The following NCKAP5 variants were observed in gnomAD, a reference collection of about 807,000 sequenced individuals.
NCKAP5 encodes the protein nck-associated protein 5.
NCKAP5 carries 92 observed loss-of-function variants against 167.0 expected under a neutral mutation model. The ratio of observed to expected loss-of-function variants is 0.55; its 90% CI spans 0.47 to 0.66. NCKAP5 has a LOEUF of 0.66. Among genes scored for constraint, NCKAP5 ranks in the 30% least tolerant of loss-of-function variants. The probability of loss-of-function intolerance (pLI) is 0.00; values close to 1 mark genes in which losing one functional copy is unlikely to be tolerated. For missense variants in NCKAP5, 2,378 were observed against 2,315.0 expected, an observed-to-expected ratio of 1.03 and a Z score of -0.56; for synonymous variants, 891 against 877.4, an observed-to-expected ratio of 1.02 and a Z score of -0.27.
intron 5 of NCKAP5, among the ~76,000 whole-genome samples, chr2:133,197,525 G>A (rs2085489653): frequency 6.6e-6 from 1 of 151,944 alleles, no homozygotes; most frequent in Non-Finnish European, 1.5e-5. Flanking sequence ...CTCAACATAT[G>A]AAGAACAGGG....
intron 5 of NCKAP5, among the ~76,000 whole-genome samples, chr2:133,195,756 C>G (rs1017565308): frequency 1.3e-5 from 2 of 151,964 alleles, no homozygotes; most frequent in Admixed American, 1.3e-4. Flanking sequence ...TAAGAGAAGC[C>G]TCTTAGACAA....
the NCKAP5 span, among the ~76,000 whole-genome samples, chr2:133,628,117 A>G: frequency 6.6e-6 from 1 of 152,196 alleles, no homozygotes. Flanking sequence ...ACTCCTATTC[A>G]ACATAGTAAT....
intron 19 of NCKAP5, among the ~76,000 whole-genome samples, chr2:132,678,965 A>G (rs1558908308): frequency 6.6e-6 from 1 of 152,150 alleles, no homozygotes; most frequent in Non-Finnish European, 1.5e-5. Flanking sequence ...AAATATTCTT[A>G]ATTGGATATC....
intron 19 of NCKAP5, among the ~76,000 whole-genome samples, chr2:132,711,407 G>C (rs931741336): frequency 1.3e-5 from 2 of 152,202 alleles, no homozygotes; most frequent in African/African-American, 4.8e-5. Flanking sequence ...GGCATATGCT[G>C]TCTGATTAAA....
chr2:132,787,347 CAA>C (rs34393093), intron 13 of NCKAP5, among the ~76,000 whole-genome samples: 2,445 of 104,400 alleles, frequency 0.023, 60 homozygotes, highest in African/African-American at 0.075. Context: ...GACTCCGTTT[CAA>C]AAAAAAAAAA....
intron 6 of NCKAP5, among the ~76,000 whole-genome samples, chr2:133,109,110 A>G (rs1194748982): frequency 6.6e-6 from 1 of 152,222 alleles, no homozygotes; most frequent in East Asian, 1.9e-4. Flanking sequence ...AAAATTATAT[A>G]AAAACTTCCC....
At chr2:132,729,295 A>G (rs769492405) in intron 17 of NCKAP5, among the ~76,000 whole-genome samples, 8 of 152,214 alleles carry the variant, frequency 5.3e-5, no homozygotes, top group Non-Finnish European at 1.0e-4. Context: ...TCATCCAACA[A>G]CAATCAAGTT....
chr2:133,547,811 C>A lies in NCKAP5; in HGVS notation c.-62+11239G>T, dbSNP rs376874056. Among the ~76,000 whole-genome samples the A allele has an allele frequency of 3.9e-3, 568 of 146,364 alleles. 8 individuals carry two copies. The highest frequency in any genetic ancestry group is 0.012 in the African/African-American group (488 of 39,332). Reference sequence around the variant, plus strand: ...AACAGAAAAACTGGAAACTCTAAAACGCAGAGCGCCTCTCCTCCTCCAAAG... The same window carrying A: ...AACAGAAAAACTGGAAACTCTAAAAAGCAGAGCGCCTCTCCTCCTCCAAAG... On this transcript the variant is annotated intron_variant, in intron 2 of 19. Transcript: ENST00000409261.
At chr2:133,555,777 C>T (rs1438068168) in intron 2 of NCKAP5, among the ~76,000 whole-genome samples, 2 of 152,314 alleles carry the variant, frequency 1.3e-5, no homozygotes, top group Admixed American at 1.3e-4. Context: ...GCACTCTTAA[C>T]ATATATGTGT....
At chr2:133,605,235 G>T in the NCKAP5 span, among the ~76,000 whole-genome samples, 3 of 152,096 alleles carry the variant, frequency 2.0e-5, no homozygotes, top group Non-Finnish European at 2.9e-5. Context: ...CGGCCTCCTT[G>T]CTCGCTTTAA....
At chr2:132,764,359 A>G (rs973702554) in intron 16 of NCKAP5, among the ~76,000 whole-genome samples, 29 of 152,218 alleles carry the variant, frequency 1.9e-4, no homozygotes, top group African/African-American at 7.0e-4. Context: ...TCATGGGCCT[A>G]ACTTCATGAC....
chr2:132,771,054 T>A (rs1420469428), intron 16 of NCKAP5, among the ~76,000 whole-genome samples: 2 of 151,744 alleles, frequency 1.3e-5, no homozygotes, highest in African/African-American at 4.9e-5. Context: ...TATACTATAC[T>A]TTTTACTGTT....
At chr2:133,588,442 C>T in the NCKAP5 span, among the ~76,000 whole-genome samples, 8 of 117,690 alleles carry the variant, frequency 6.8e-5, no homozygotes, top group African/African-American at 2.6e-4. Flanking sequence ...CTAATTCCTT[C>T]CCTAATTCAT....
At chr2:133,294,685 T>C (rs886902556) in intron 4 of NCKAP5, among the ~76,000 whole-genome samples, 4 of 152,200 alleles carry the variant, frequency 2.6e-5, no homozygotes, top group African/African-American at 7.2e-5. Flanking sequence ...TGGATCATTT[T>C]ATTTCAATGT....
intron 6 of NCKAP5, among the ~76,000 whole-genome samples, chr2:133,116,699 A>T (rs1236680061): frequency 6.6e-6 from 1 of 152,178 alleles, no homozygotes; most frequent in Non-Finnish European, 1.5e-5. Context: ...AACATATATT[A>T]ATTTTTGTAG....
chr2:132,935,935 T>C (rs1035990297), intron 8 of NCKAP5, among the ~76,000 whole-genome samples: 46 of 152,092 alleles, frequency 3.0e-4, no homozygotes, highest in African/African-American at 1.0e-3. Flanking sequence ...TCAGGAATGA[T>C]AATTCAGGCA....
chr2:133,445,800 G>A (rs1691154622), intron 3 of NCKAP5, among the ~76,000 whole-genome samples: 1 of 152,128 alleles, frequency 6.6e-6, no homozygotes, highest in Admixed American at 6.5e-5. Flanking sequence ...AGAATTTTTA[G>A]GGAATAGCAA....
At chr2:133,464,866 A>G (rs1301533201) in intron 3 of NCKAP5, among the ~76,000 whole-genome samples, 1 of 151,400 alleles carries the variant, frequency 6.6e-6, no homozygotes, top group Non-Finnish European at 1.5e-5. Flanking sequence ...GACACTCCTC[A>G]TCACTTGCCA....
intron 16 of NCKAP5, among the ~76,000 whole-genome samples, chr2:132,768,461 T>C (rs1681713857): frequency 6.6e-6 from 1 of 152,168 alleles, no homozygotes; most frequent in Non-Finnish European, 1.5e-5. Flanking sequence ...AAAGAATAAT[T>C]AGAAATACAG....
Sources: gnomAD v4.1 joint callset for allele counts (sites outside exome capture counted in the v4.1 genomes callset) on GRCh38, gnomAD v4.1.1 for gene constraint, MANE v1.5 for transcripts, NCBI Gene and HGNC (gene_info 2026-07-23, HGNC 2026-07-21) for gene names.